MAP2K6: variants seen among roughly 807,000 people sequenced by gnomAD.
MAP2K6 encodes the protein dual specificity mitogen-activated protein kinase kinase 6.
In MAP2K6, 16 loss-of-function variants were observed where a neutral mutation model predicts 53.7. The ratio of observed to expected loss-of-function variants is 0.30; its 90% CI spans 0.20 to 0.45. The LOEUF (loss-of-function observed/expected upper bound fraction) is 0.45. MAP2K6 is among the 20% of genes least tolerant of loss of function. The pLI is 1.00. For missense variants in MAP2K6, 204 were observed against 411.9 expected (o/e 0.50, Z 4.37); for synonymous variants, 132 against 143.1 (o/e 0.92, Z 0.55).
At chr17:69,452,889 G>A (rs537430419) in intron 1 of MAP2K6, among the ~76,000 whole-genome samples, 9 of 152,314 alleles carry the variant, frequency 5.9e-5, no homozygotes, top group East Asian at 3.9e-4. Context: ...CTTTGTTTGC[G>A]TCTTAACATT....
Position 69,526,717 on chromosome 17 carries a change from A to T in MAP2K6, c.881+8A>T. ...TGACTTTACCTCACAGTGGTAAGAC[A>T]GCCTCACCTCCCAAGTGTCAGTGTG... On this transcript the variant is annotated splice_region_variant and intron_variant, in intron 10 of 11. Transcript: ENST00000590474. 3.7e-6 allele frequency: 6 copies of T among 1,610,520 alleles called. No homozygotes were observed. Among genetic ancestry groups the T allele is most frequent in the Non-Finnish European group, 5.1e-6 (6 of 1,179,526 alleles).
intron 1 of MAP2K6, among the ~76,000 whole-genome samples, chr17:69,495,657 C>A (rs1002870691): frequency 6.6e-6 from 1 of 152,084 alleles, no homozygotes; most frequent in African/African-American, 2.4e-5. Context: ...CTCTATCCCC[C>A]ACTCTGCCTT....
At chr17:69,522,661 T>A (rs977752893) in intron 7 of MAP2K6, among the ~76,000 whole-genome samples, 34 of 152,290 alleles carry the variant, frequency 2.2e-4, no homozygotes, top group East Asian at 5.8e-4. Flanking sequence ...TCTGTAATAC[T>A]GCTTCTTCAG....
intron 1 of MAP2K6, among the ~76,000 whole-genome samples, chr17:69,486,484 T>C (rs905525976): frequency 6.6e-6 from 1 of 152,208 alleles, no homozygotes; most frequent in Non-Finnish European, 1.5e-5. Flanking sequence ...TTTAGTCTAG[T>C]CTGAGACTGA....
At chr17:69,502,255 T>A in intron 1 of MAP2K6, 1 of 984,876 alleles carries the variant, frequency 1.0e-6, no homozygotes. Flanking sequence ...GGGGGTGGAG[T>A]CTGTTCAGTT....
chr17:69,520,893 G>A (rs1319815996), intron 6 of MAP2K6, 156 bp from the exon 7 acceptor site: 2 of 557,518 alleles, frequency 3.6e-6, no homozygotes, highest in South Asian at 2.4e-5. Flanking sequence ...TCCAATTTGT[G>A]TAACTTCCTA....
chr17:69,512,949 A>G (rs1409604133), intron 2 of MAP2K6, among the ~76,000 whole-genome samples: 3 of 152,226 alleles, frequency 2.0e-5, no homozygotes, highest in African/African-American at 7.2e-5. Context: ...TTCATATAAA[A>G]AAATGAATAC....
At chr17:69,509,667 A>G (rs978335944) in intron 2 of MAP2K6, among the ~76,000 whole-genome samples, 4 of 152,072 alleles carry the variant, frequency 2.6e-5, no homozygotes, top group African/African-American at 9.7e-5. Flanking sequence ...CTAGGTTAAT[A>G]AAGTTCATGA....
chr17:69,511,560 C>T (rs1462028466), intron 2 of MAP2K6, among the ~76,000 whole-genome samples: 5 of 152,228 alleles, frequency 3.3e-5, no homozygotes, highest in South Asian at 2.1e-4. Flanking sequence ...TAAATCAGTT[C>T]GATGCTAGTT....
chr17:69,514,172 C>T (rs961950172), intron 2 of MAP2K6, among the ~76,000 whole-genome samples: 2 of 151,604 alleles, frequency 1.3e-5, no homozygotes, highest in Non-Finnish European at 2.9e-5. Context: ...TTATATTAGT[C>T]ACATGTTTCA....
intron 1 of MAP2K6, among the ~76,000 whole-genome samples, chr17:69,454,736 G>A (rs181099138): frequency 2.0e-5 from 3 of 152,154 alleles, no homozygotes; most frequent in Admixed American, 2.0e-4. Flanking sequence ...CTAAGCTAAA[G>A]GTAATTTTTG....
intron 1 of MAP2K6, among the ~76,000 whole-genome samples, chr17:69,487,889 A>T (rs1312023841): frequency 6.6e-6 from 1 of 152,228 alleles, no homozygotes; most frequent in Non-Finnish European, 1.5e-5. Flanking sequence ...ACTTAAAGAA[A>T]ATCTTATGAA....
chr17:69,448,052 G>T (rs1323812533), intron 1 of MAP2K6, among the ~76,000 whole-genome samples: 1 of 152,140 alleles, frequency 6.6e-6, no homozygotes, highest in Non-Finnish European at 1.5e-5. Flanking sequence ...GTTAGCCTGG[G>T]ACTGAAACAG....
intron 9 of MAP2K6, 105 bp from the exon 10 acceptor site, chr17:69,526,465 A>C: frequency 8.0e-7 from 1 of 1,254,164 alleles, no homozygotes; most frequent in Non-Finnish European, 1.1e-6. Context: ...CTTATACTTG[A>C]ACTTTGCCTT....
intron 2 of MAP2K6, among the ~76,000 whole-genome samples, chr17:69,508,218 A>AT (rs201926028): frequency 6.7e-4 from 94 of 140,928 alleles, no homozygotes; most frequent in Middle Eastern, 3.6e-3. Flanking sequence ...TGCCCAGCTG[A>AT]TTTTTTTTTT....
intron 1 of MAP2K6, chr17:69,435,609 A>C (rs1007629174): frequency 2.6e-5 from 4 of 152,128 alleles, no homozygotes; most frequent in African/African-American, 9.7e-5. Flanking sequence ...GAAGTTTTCA[A>C]GGAAAGAACA....
chr17:69,428,596 C>T (rs1019707404), intron 1 of MAP2K6, among the ~76,000 whole-genome samples: 3 of 152,192 alleles, frequency 2.0e-5, no homozygotes, highest in Admixed American at 1.3e-4. Flanking sequence ...CAACCCATAA[C>T]ATGGCAGGCA....
chr17:69,528,986 A>G (rs1159247559), intron 10 of MAP2K6, among the ~76,000 whole-genome samples: 1 of 151,252 alleles, frequency 6.6e-6, no homozygotes, highest in Non-Finnish European at 1.5e-5. Context: ...TATTCTCCCT[A>G]TTACCTTTCT....
At chr17:69,492,468 C>T (rs1908789242) in intron 1 of MAP2K6, among the ~76,000 whole-genome samples, 1 of 152,126 alleles carries the variant, frequency 6.6e-6, no homozygotes, top group Admixed American at 6.5e-5. Flanking sequence ...TGTAGGTGTG[C>T]AGCCTTATTT....
Sources: allele counts gnomAD v4.1 joint callset (sites outside exome capture counted in the v4.1 genomes callset), GRCh38; gene constraint gnomAD v4.1.1; transcripts MANE v1.5; gene names NCBI Gene and HGNC (gene_info 2026-07-23, HGNC 2026-07-21).